The following ARHGAP44 variants were observed in gnomAD, a reference collection of about 807,000 sequenced individuals.
ARHGAP44 encodes the protein rho GTPase-activating protein 44.
A neutral mutation model predicts 106.8 loss-of-function variants in ARHGAP44; 43 were observed. The observed-to-expected ratio is 0.40, with a 90% CI of 0.32 to 0.52. ARHGAP44 has a LOEUF of 0.52. ARHGAP44 is among the 20% of genes least tolerant of loss of function. ARHGAP44 has a pLI of 0.48. For missense variants in ARHGAP44, 866 were observed against 1,050.5 expected, an observed-to-expected ratio of 0.82 and a Z score of 2.43; for synonymous variants, 439 against 410.3, an observed-to-expected ratio of 1.07 and a Z score of -0.85.
Position 12,864,828 on chromosome 17 carries a change from A to AT in ARHGAP44, c.54-30105dup, listed in dbSNP as rs567780465. Among the ~76,000 whole-genome samples, 442 of 152,266 alleles carry AT rather than the reference A, an allele frequency of 2.9e-3. 1 individual carries two copies. The highest frequency in any genetic ancestry group is 6.8e-3 in the Middle Eastern group (2 of 294). On this transcript the variant is annotated intron_variant, in intron 1 of 20. Transcript: ENST00000379672. ...GCATTGTTTCCACAATATAAAAACT[A>AT]TTTTTTTCAGATGTGCTAAAAGAAG...
At chr17:12,861,336 A>G (rs1232456099) in intron 1 of ARHGAP44, among the ~76,000 whole-genome samples, 1 of 152,114 alleles carries the variant, frequency 6.6e-6, no homozygotes, top group Non-Finnish European at 1.5e-5. Flanking sequence ...ATTATCACAA[A>G]CTTAGTGACT....
chr17:12,868,839 G>T (rs956027622), intron 1 of ARHGAP44, among the ~76,000 whole-genome samples: 1 of 150,938 alleles, frequency 6.6e-6, no homozygotes, highest in African/African-American at 2.4e-5. Flanking sequence ...TGTATTTTTA[G>T]TAGAGACAGG....
At chr17:12,853,692 C>T (rs1316195286) in intron 1 of ARHGAP44, among the ~76,000 whole-genome samples, 1 of 152,192 alleles carries the variant, frequency 6.6e-6, no homozygotes, top group African/African-American at 2.4e-5. Flanking sequence ...TAAAATTCTT[C>T]AAGACATGAC....
intron 7 of ARHGAP44, among the ~76,000 whole-genome samples, chr17:12,937,323 G>T (rs1486632090): frequency 6.6e-6 from 1 of 152,118 alleles, no homozygotes; most frequent in African/African-American, 2.4e-5. Flanking sequence ...TTTCCTCCTG[G>T]TGCTGAAAGC....
intron 18 of ARHGAP44, among the ~76,000 whole-genome samples, chr17:12,975,930 A>G (rs919652300): frequency 6.6e-6 from 1 of 151,996 alleles, no homozygotes; most frequent in Non-Finnish European, 1.5e-5. Flanking sequence ...AGGGGAGGAG[A>G]CAGTACCTGG....
chr17:12,990,793 C>T lies in ARHGAP44; in HGVS notation c.*622C>T, dbSNP rs148816212. 6.6e-6 allele frequency: 1 copy of T among 152,074 alleles called. No individual in the cohort carries two copies. Among genetic ancestry groups the T allele is most frequent in the East Asian group, 2.0e-4 (1 of 4,938 alleles). The allele number at this position is 152,074 out of a possible 1,614,324, so 9.4% of individuals were successfully genotyped here. ...GGCTGAAAACAAAAATGTTTCACTT[C>T]CTAACAGTTTTCCTTTTTCCACTGT... On this transcript the variant is annotated 3_prime_UTR_variant, in exon 21 of 21. Transcript: ENST00000379672.
intron 1 of ARHGAP44, among the ~76,000 whole-genome samples, chr17:12,814,151 T>G (rs2034521893): frequency 6.6e-6 from 1 of 151,640 alleles, no homozygotes; most frequent in South Asian, 2.1e-4. Flanking sequence ...TTTTTCAGAC[T>G]CTGATACACT....
chr17:12,860,843 G>GT lies in ARHGAP44; in HGVS notation c.54-34090dup, dbSNP rs945841290. 2.1e-5 allele frequency among the ~76,000 whole-genome samples: 3 copies of GT among 145,978 alleles called. No individual in the cohort carries two copies. The East Asian group carries it at 6.0e-4, about 29-fold the overall frequency. The stretch of plus-strand genomic sequence containing the variant: ...ATCAAATTGGACCAATCGGTATATG[G>GT]TTTTTTTCTATTCTTTTTTTTTTTT... On this transcript the variant is annotated intron_variant, in intron 1 of 20. Coordinates refer to ENST00000379672, the MANE Select transcript of ARHGAP44 (RefSeq NM_014859.6).
intron 4 of ARHGAP44, among the ~76,000 whole-genome samples, chr17:12,909,425 A>G (rs1189752883): frequency 6.6e-6 from 1 of 152,202 alleles, no homozygotes; most frequent in Non-Finnish European, 1.5e-5. Context: ...AAATATAACA[A>G]TTATTTAAAT....
intron 10 of ARHGAP44, among the ~76,000 whole-genome samples, chr17:12,947,937 G>A (rs2038896614): frequency 6.6e-6 from 1 of 152,146 alleles, no homozygotes; most frequent in Non-Finnish European, 1.5e-5. Flanking sequence ...AGTGATCCTA[G>A]CAAGGCATAA....
intron 18 of ARHGAP44, among the ~76,000 whole-genome samples, 185 bp downstream of exon 18, chr17:12,974,495 CA>C (rs1201260354): frequency 5.9e-5 from 9 of 152,130 alleles, no homozygotes; most frequent in African/African-American, 2.2e-4. Flanking sequence ...CCTGGATTAT[CA>C]CACGAAGTCC....
chr17:12,948,143 G>A (rs2038901238), intron 10 of ARHGAP44, among the ~76,000 whole-genome samples: 1 of 152,190 alleles, frequency 6.6e-6, no homozygotes, highest in Non-Finnish European at 1.5e-5. Context: ...GTGACGTGGA[G>A]GTTTCTTTCC....
intron 1 of ARHGAP44, among the ~76,000 whole-genome samples, chr17:12,822,750 A>G (rs1265570712): frequency 6.6e-6 from 1 of 152,054 alleles, no homozygotes; most frequent in Non-Finnish European, 1.5e-5. Context: ...TTGCCTGGCT[A>G]CTCCACTGTC....
intron 1 of ARHGAP44, among the ~76,000 whole-genome samples, chr17:12,862,362 A>G (rs1312176056): frequency 6.6e-6 from 1 of 152,292 alleles, no homozygotes; most frequent in Non-Finnish European, 1.5e-5. Flanking sequence ...CATTGAGTCA[A>G]TCAATTGACT....
intron 1 of ARHGAP44, among the ~76,000 whole-genome samples, chr17:12,796,140 C>G (rs199557649): frequency 1.5e-3 from 1 of 674 alleles, no homozygotes; most frequent in African/African-American, 1.8e-3. Context: ...AGAAGTATAT[C>G]TATCTATCTA....
intron 1 of ARHGAP44, among the ~76,000 whole-genome samples, chr17:12,801,695 T>G (rs1256304038): frequency 6.6e-6 from 1 of 152,158 alleles, no homozygotes; most frequent in Non-Finnish European, 1.5e-5. Flanking sequence ...ACAGGATATA[T>G]GAGTGCATAC....
At chr17:12,818,721 T>G (rs1370013045) in intron 1 of ARHGAP44, among the ~76,000 whole-genome samples, 1 of 151,980 alleles carries the variant, frequency 6.6e-6, no homozygotes, top group Non-Finnish European at 1.5e-5. Flanking sequence ...AGTAGCAAAA[T>G]TATGTGCAGG....
At chr17:12,809,546 A>C (rs1488762276) in intron 1 of ARHGAP44, among the ~76,000 whole-genome samples, 1 of 152,196 alleles carries the variant, frequency 6.6e-6, no homozygotes, top group African/African-American at 2.4e-5. Flanking sequence ...TGACAAGAAC[A>C]ACATGGGAAA....
At chr17:12,848,371 AC>A (rs2035631931) in intron 1 of ARHGAP44, among the ~76,000 whole-genome samples, 1 of 151,720 alleles carries the variant, frequency 6.6e-6, no homozygotes, top group South Asian at 2.1e-4. Flanking sequence ...AGACTTTAAA[AC>A]GATTTGTTAA....
Sources: gnomAD v4.1 joint callset for allele counts (sites outside exome capture counted in the v4.1 genomes callset) on GRCh38, gnomAD v4.1.1 for gene constraint, MANE v1.5 for transcripts, NCBI Gene and HGNC (gene_info 2026-07-23, HGNC 2026-07-21) for gene names.